The following DNAH10 variants were observed in gnomAD, a reference collection of about 807,000 sequenced individuals.
DNAH10 encodes dynein axonemal heavy chain 10, also known as axonemal beta dynein heavy chain 10.
A neutral mutation model predicts 506.6 loss-of-function variants in DNAH10; 348 were observed. The ratio of observed to expected loss-of-function variants is 0.69; its 90% CI spans 0.63 to 0.75. The LOEUF is 0.75. Among genes scored for constraint, DNAH10 ranks in the 30% least tolerant of loss-of-function variants. The pLI, the probability that DNAH10 is intolerant of heterozygous loss-of-function variation, is 0.00. For synonymous variants in DNAH10, 2,059 were observed against 2,198.6 expected (o/e 0.94, Z 1.78); for missense variants, 5,179 against 5,787.1 (o/e 0.89, Z 3.41).
intron 25 of DNAH10, among the ~76,000 whole-genome samples, chr12:123,827,527 G>A (rs1458067981): frequency 1.3e-5 from 2 of 152,200 alleles, no homozygotes; most frequent in Non-Finnish European, 2.9e-5. Flanking sequence ...GGACAGAGGG[G>A]GCATGGGTCT....
In DNAH10 at chr12:123,918,659, C is replaced by G; in HGVS notation, c.11233-17C>G. The G allele has an allele frequency of 6.5e-7, 1 of 1,538,436 alleles. No individual in the cohort carries two copies. Among genetic ancestry groups the G allele is most frequent in the Non-Finnish European group, 8.8e-7 (1 of 1,140,728 alleles). ...CTCAGTCTTCCTGTTTCCAGGGTCA[C>G]CTGTGCTTTTCTTCAGGTCTCAGAG... On this transcript the variant is annotated splice_polypyrimidine_tract_variant and intron_variant, in intron 64 of 78. Coordinates refer to ENST00000673944, the MANE Select transcript of DNAH10 (RefSeq NM_001372106.1).
Position 123,800,219 on chromosome 12 carries a change from T to C in DNAH10, c.2293T>C (p.Ser765Pro). 1 of 1,613,572 alleles carries C rather than the reference T, an allele frequency of 6.2e-7. No individual in the cohort carries two copies. Among genetic ancestry groups the C allele is most frequent in the Non-Finnish European group, 8.5e-7 (1 of 1,179,774 alleles). ...LMKKSLLTKS[S>P]IATEEPSTLE... Reference sequence around the variant, plus strand: ...TGATGGAATGTCTCTTCCACAGTCTTCCATCGCCACAGAGGAGCCTTCGAC... The same window carrying C: ...TGATGGAATGTCTCTTCCACAGTCTCCCATCGCCACAGAGGAGCCTTCGAC... The change falls in exon 15 of 79, where the codon TCC becomes CCC. Residue 765 changes from serine (S) to proline (P), a missense_variant. By Grantham distance (74) the Ser-to-Pro change is moderately conservative. Coordinates refer to ENST00000673944, the MANE Select transcript of DNAH10 (RefSeq NM_001372106.1).
In DNAH10 at chr12:123,871,464, A is replaced by G. The variant is rs61742662; in HGVS notation, c.7647A>G (p.Thr2549=). Residue 2549 remains threonine, a synonymous_variant, in exon 45 of 79, where the codon ACA becomes ACG. Coordinates refer to ENST00000673944, the MANE Select transcript of DNAH10 (RefSeq NM_001372106.1). Reference sequence around the variant, plus strand: ...TCCTAATGTCTACTTTAGTTCACACAGTGGATACCACTCGGACTACCTGGA... The same window carrying G: ...TCCTAATGTCTACTTTAGTTCACACGGTGGATACCACTCGGACTACCTGGA... ...ERKFINILVH[T]VDTTRTTWIL... 3.9e-3 allele frequency: 6,119 copies of G among 1,586,948 alleles called. 202 individuals are homozygous for G. The African/African-American group carries it at 0.068, about 18-fold the overall frequency.
At chr12:123,841,891 G>A (rs1323961481) in intron 30 of DNAH10, among the ~76,000 whole-genome samples, 1 of 152,158 alleles carries the variant, frequency 6.6e-6, no homozygotes, top group Non-Finnish European at 1.5e-5. Context: ...TCACTGTGTT[G>A]CCCAGGTTGG....
intron 44 of DNAH10, among the ~76,000 whole-genome samples, chr12:123,870,827 G>T (rs932330814): frequency 6.6e-6 from 1 of 152,170 alleles, no homozygotes; most frequent in Non-Finnish European, 1.5e-5. Context: ...GGGACTAGAC[G>T]GCAACGAACG....
rs1297670126 is a variant in DNAH10, at chr12:123,762,495, C to T, written c.159C>T (p.Pro53=). ...ACCAGGCGAGCGAGGAGGAGGGGCC[C>T]TCGGCGCTCTTCATCTACCGCACTA... The part of the protein sequence containing the change: ...FLNQASEEEG[P]SALFIYRTMV... Residue 53 remains proline (P), a synonymous_variant, in exon 1 of 79, where the codon CCC becomes CCT. Transcript: ENST00000673944. The surrounding 1 kb of genome is among the most constrained non-coding windows in gnomAD (Gnocchi z 5.0). 2 of 1,529,420 alleles carry T rather than the reference C, an allele frequency of 1.3e-6. No individual in the cohort carries two copies. The highest frequency in any genetic ancestry group is 1.2e-5 in the South Asian group (1 of 81,404). The allele number at this position is 1,529,420 out of a possible 1,614,324, so 94.7% of individuals were successfully genotyped here. A position where few individuals can be genotyped will look rare whatever the true frequency, so the allele number is the denominator to read the frequency against.
chr12:123,809,959 C>A lies in DNAH10; in HGVS notation c.3144+1006C>A, dbSNP rs1958866436. Among the ~76,000 whole-genome samples the A allele has an allele frequency of 1.3e-5, 2 of 152,152 alleles. 1 individual carries two copies. Among genetic ancestry groups the A allele is most frequent in the South Asian group, 4.1e-4 (2 of 4,826 alleles). ...CATTCTGCTCCCCTGACCTTCTTGTCCTCTCTCTCCCGTCACCCCCCTCCC... is the reference window on the plus strand; with the variant it reads ...CATTCTGCTCCCCTGACCTTCTTGTACTCTCTCTCCCGTCACCCCCCTCCC... On this transcript the variant is annotated intron_variant, in intron 19 of 78. Transcript: ENST00000673944.
rs547707680 is a variant in DNAH10, at chr12:123,874,601, A to G, written c.7939-630A>G. On this transcript the variant is annotated intron_variant, in intron 46 of 78. Coordinates refer to ENST00000673944, the MANE Select transcript of DNAH10 (RefSeq NM_001372106.1). ...CACCCATCCATCCATCCATCCATCCATCTACCCATCCATCCATCCATCCAT... is the reference window on the plus strand; with the variant it reads ...CACCCATCCATCCATCCATCCATCCGTCTACCCATCCATCCATCCATCCAT... Among the ~76,000 whole-genome samples the G allele has an allele frequency of 1.3e-4, 19 of 144,366 alleles. No homozygotes were observed. The South Asian group carries it at 4.1e-3, about 31-fold the overall frequency. 94.7% of individuals were successfully genotyped at this position (144,366 alleles called of 152,430 possible).
intron 37 of DNAH10, 47 bp from the exon 38 acceptor site, chr12:123,859,103 A>G: frequency 6.5e-7 from 1 of 1,533,468 alleles, no homozygotes; most frequent in South Asian, 1.2e-5. Flanking sequence ...AAACTGCGTC[A>G]GAAAAAAGAT....
chr12:123,832,543 A>G (rs940365416), intron 26 of DNAH10, among the ~76,000 whole-genome samples: 4 of 151,348 alleles, frequency 2.6e-5, no homozygotes, highest in Non-Finnish European at 4.4e-5. Context: ...GGGTCTCCCT[A>G]TGTTGCCAAG....
intron 52 of DNAH10, among the ~76,000 whole-genome samples, chr12:123,889,214 C>G (rs1011171040): frequency 1.2e-4 from 18 of 152,226 alleles, no homozygotes; most frequent in African/African-American, 4.3e-4. Context: ...AACATCACTG[C>G]TCTCCCCGCT....
intron 5 of DNAH10, among the ~76,000 whole-genome samples, chr12:123,779,358 A>G (rs1328176220): frequency 1.3e-5 from 2 of 152,190 alleles, no homozygotes; most frequent in African/African-American, 4.8e-5. Flanking sequence ...CCATGAATTT[A>G]TAATGATCTT....
intron 5 of DNAH10, among the ~76,000 whole-genome samples, chr12:123,777,709 G>T (rs536381450): frequency 6.6e-6 from 1 of 152,124 alleles, no homozygotes. Context: ...GCAGTGGCGC[G>T]AGCATGGCTC....
At chr12:123,863,696 A>G (rs1375154628) in intron 39 of DNAH10, among the ~76,000 whole-genome samples, 2 of 152,200 alleles carry the variant, frequency 1.3e-5, no homozygotes, top group East Asian at 3.8e-4. Context: ...ACTCATCTGT[A>G]TAATCCAGAA....
chr12:123,848,664 A>G, intron 33 of DNAH10, 66 bp from the exon 34 acceptor site: 2 of 1,590,506 alleles, frequency 1.3e-6, no homozygotes, highest in Non-Finnish European at 1.7e-6. Context: ...AAATATATCC[A>G]TAAATGTGTT....
At chr12:123,875,106 C>A in intron 46 of DNAH10, 125 bp from the exon 47 acceptor site, 1 of 1,131,032 alleles carries the variant, frequency 8.8e-7, no homozygotes, top group Non-Finnish European at 1.2e-6. Flanking sequence ...CCCCATGAAA[C>A]TGAAACCGAG....
At position 123,845,838 on chromosome 12, in the gene DNAH10, A is replaced by G. The variant is rs1165489311; in HGVS notation, c.5599A>G (p.Arg1867Gly). ...NTVLIIDVHA[R>G]DIVDSFIRGS... ...TGTTCTCATCATTGATGTGCATGCC[A>G]GAGACATAGTTGATTCTTTCATAAG... is the stretch of plus-strand genomic sequence containing the variant. Residue 1867 changes from arginine to glycine, a missense_variant, in exon 31 of 79, where the codon AGA becomes GGA. By Grantham distance (125) the Arg-to-Gly change is moderately radical. This residue lies in a region of DNAH10 where 4,844 missense variants were observed against 5,430.5 expected (regional missense o/e 0.89). Coordinates refer to ENST00000673944, the MANE Select transcript of DNAH10 (RefSeq NM_001372106.1). 1.2e-6 allele frequency: 2 copies of G among 1,614,050 alleles called. No homozygotes were observed. The highest frequency in any genetic ancestry group is 1.7e-5 in the Admixed American group (1 of 60,030).
intron 53 of DNAH10, 150 bp downstream of exon 53, chr12:123,893,586 G>C (rs1229027639): frequency 2.3e-6 from 2 of 855,662 alleles, no homozygotes; most frequent in African/African-American, 1.7e-5. Flanking sequence ...GTAGCTTGGG[G>C]CTCACTGCCC....
At position 123,762,620 on chromosome 12, in the gene DNAH10, CG is replaced by C; in HGVS notation, c.214+74del. 1 of 1,462,478 alleles carries C rather than the reference CG, an allele frequency of 6.8e-7. No individual in the cohort carries two copies. Among genetic ancestry groups the C allele is most frequent in the Non-Finnish European group, 9.1e-7 (1 of 1,096,206 alleles). The allele number at this position is 1,462,478 out of a possible 1,614,324, so 90.6% of individuals were successfully genotyped here. On this transcript the variant is annotated intron_variant, in intron 1 of 78. Coordinates refer to ENST00000673944, the MANE Select transcript of DNAH10 (RefSeq NM_001372106.1). This position sits in a 1 kb window ranked among gnomAD's most constrained non-coding sequence, Gnocchi z 5.0. ...CCGTCCCGGCCTCTCCGGCGGGCGC[CG>C]GGGCTGCTAGAGCCTGCCCATCGTC...
Sources: gnomAD v4.1 joint callset for allele counts (sites outside exome capture counted in the v4.1 genomes callset) on GRCh38, gnomAD v4.1.1 for gene constraint, gnomAD v4.1.1 regional missense constraint, Gnocchi (gnomAD v3.1) non-coding constraint, MANE v1.5 for transcripts, NCBI Gene and HGNC (gene_info 2026-07-23, HGNC 2026-07-21) for gene names.